SIAE: variants seen among roughly 807,000 people sequenced by gnomAD.
The protein encoded by SIAE is sialate O-acetylesterase.
SIAE carries 39 observed loss-of-function variants against 52.6 expected under a neutral mutation model. The observed-to-expected ratio is 0.74, with a 90% CI of 0.57 to 0.97. The LOEUF is 0.97. Ranked by LOEUF, SIAE falls within the 50% of genes least tolerant of loss-of-function variation. The pLI is 0.00. For missense variants in SIAE, 592 were observed against 662.1 expected, an observed-to-expected ratio of 0.89 and a Z score of 1.16; for synonymous variants, 233 against 241.4, an observed-to-expected ratio of 0.97 and a Z score of 0.32.
chr11:124,637,670 CAAAT>C (rs779600482), intron 9 of SIAE, among the ~76,000 whole-genome samples: 22 of 152,158 alleles, frequency 1.4e-4, no homozygotes, highest in Non-Finnish European at 2.6e-4. Context: ...AATGGGAATA[CAAAT>C]TATCCAGACC....
chr11:124,654,631 CA>C, intron 4 of SIAE, 23 bp downstream of exon 4: 1 of 1,614,042 alleles, frequency 6.2e-7, no homozygotes, highest in Non-Finnish European at 8.5e-7. Context: ...ATATAAGAGA[CA>C]GCACGTTCAA....
At chr11:124,641,290 G>C (rs528234831) in intron 7 of SIAE, among the ~76,000 whole-genome samples, 1 of 152,200 alleles carries the variant, frequency 6.6e-6, no homozygotes, top group Non-Finnish European at 1.5e-5. Flanking sequence ...TCAAAAATAT[G>C]AGAAGTCACT....
intron 2 of SIAE, among the ~76,000 whole-genome samples, chr11:124,664,713 T>C (rs1943247791): frequency 6.6e-6 from 1 of 152,324 alleles, no homozygotes; most frequent in East Asian, 1.9e-4. Flanking sequence ...AGTCATAAAG[T>C]GCTTTCTTGT....
At chr11:124,647,292 G>T in intron 7 of SIAE, 73 bp downstream of exon 7, 1 of 1,594,770 alleles carries the variant, frequency 6.3e-7, no homozygotes, top group Non-Finnish European at 8.6e-7. Context: ...CCACACCAAT[G>T]CCCATAAACC....
chr11:124,673,756 G>C (rs751697699), upstream of SIAE: 6 of 1,596,752 alleles, frequency 3.8e-6, no homozygotes, highest in African/African-American at 8.1e-5. Context: ...GTGGGTTCCC[G>C]GCAGGGGCGG....
At chr11:124,667,806 T>C (rs1943294045) in intron 2 of SIAE, among the ~76,000 whole-genome samples, 1 of 152,156 alleles carries the variant, frequency 6.6e-6, no homozygotes, top group African/African-American at 2.4e-5. Flanking sequence ...GGCTTCTATA[T>C]CTTTATCTCT....
In SIAE at chr11:124,637,141, G is replaced by A. The variant is rs755517213; in HGVS notation, c.1382C>T (p.Thr461Ile). ...ATCGATCGCCAGGGTCAGGGACTGG[G>A]TGGAGACGGTGTTCATAGAAGCTGG... Reference protein sequence around the residue: ...WLPASMNTVSTQSLTLAIDSC... With the variant: ...WLPASMNTVSIQSLTLAIDSC... Residue 461 changes from threonine to isoleucine, a missense_variant, in exon 10 of 10, where the codon ACC (threonine) becomes ATC (isoleucine). Coordinates refer to ENST00000263593, the MANE Select transcript of SIAE (RefSeq NM_170601.5). 6.2e-7 allele frequency: 1 copy of A among 1,614,170 alleles called. No individual in the cohort carries two copies. The highest frequency in any genetic ancestry group is 8.5e-7 in the Non-Finnish European group (1 of 1,180,036).
At chr11:124,637,318 C>G (rs902960855) in intron 9 of SIAE, 116 bp from the exon 10 acceptor site, 2 of 1,436,316 alleles carry the variant, frequency 1.4e-6, no homozygotes, top group African/African-American at 2.8e-5. Flanking sequence ...TCACCAAGGA[C>G]CTACTCCTAC....
At position 124,654,535 on chromosome 11, in the gene SIAE, A is replaced by T. The variant is rs1009277224; in HGVS notation, c.544+120T>A. The T allele has an allele frequency of 1.0e-5, 16 of 1,598,912 alleles. No homozygotes were observed. In the African/African-American group the frequency reaches 1.3e-4, roughly 13 times the overall value. ...CAGGAAGGATGAAGAGTCAATAAGAAAGGAATAAAAGGCATGAGTAATAAT... is the reference window on the plus strand; with the variant it reads ...CAGGAAGGATGAAGAGTCAATAAGATAGGAATAAAAGGCATGAGTAATAAT... On this transcript the variant is annotated intron_variant, in intron 4 of 9. Transcript: ENST00000263593.
At chr11:124,649,862 T>C in intron 4 of SIAE, 66 bp from the exon 5 acceptor site, 1 of 1,543,664 alleles carries the variant, frequency 6.5e-7, no homozygotes, top group Non-Finnish European at 8.9e-7. Flanking sequence ...CTGCAGCTGC[T>C]AGGTGGGTCG....
In SIAE at chr11:124,649,708, G is replaced by A. The variant is rs530808094; in HGVS notation, c.633C>T (p.Ile211=). The change falls in exon 5 of 10, where the codon ATC becomes ATT. Residue 211 remains isoleucine, a synonymous_variant. Transcript: ENST00000263593. ...RHLYDTLQYP[I]GLIASSWGGT... is the part of the protein sequence containing the mutation. ...CGCCCCAGCTGGAGGCGATCAGCCCGATGGGATACTGCAGAGTGTCATAAA... is the reference window on the plus strand; with the variant it reads ...CGCCCCAGCTGGAGGCGATCAGCCCAATGGGATACTGCAGAGTGTCATAAA... 1.4e-3 allele frequency: 2,286 copies of A among 1,614,160 alleles called. 37 individuals are homozygous for A. In the South Asian group the frequency reaches 0.023, roughly 16 times the overall value.
rs1317401954 is a variant in SIAE, at chr11:124,647,515, T to C, written c.833-17A>G. ...TGGACTCCCCTAAAAACAGTCCAAATTGTAAAGGGAGTTTGGAGTAGACTG... is the reference window on the plus strand; with the variant it reads ...TGGACTCCCCTAAAAACAGTCCAAACTGTAAAGGGAGTTTGGAGTAGACTG... On this transcript the variant is annotated splice_polypyrimidine_tract_variant and intron_variant, in intron 6 of 9. Coordinates refer to ENST00000263593, the MANE Select transcript of SIAE (RefSeq NM_170601.5). 8 of 1,613,930 alleles carry C rather than the reference T, an allele frequency of 5.0e-6. No individual in the cohort carries two copies. The highest frequency in any genetic ancestry group is 1.1e-5 in the South Asian group (1 of 91,068).
At chr11:124,666,217 C>A (rs1943271910) in intron 2 of SIAE, among the ~76,000 whole-genome samples, 1 of 152,130 alleles carries the variant, frequency 6.6e-6, no homozygotes, top group Non-Finnish European at 1.5e-5. Flanking sequence ...TTCTGGGTAC[C>A]TAGGGGACTA....
intron 5 of SIAE, 47 bp downstream of exon 5, chr11:124,649,572 A>G: frequency 1.9e-6 from 3 of 1,606,380 alleles, no homozygotes; most frequent in Non-Finnish European, 2.6e-6. Flanking sequence ...TCTCTCTTGC[A>G]TAATTCCCTG....
At chr11:124,639,657 A>G (rs1433728022) in intron 8 of SIAE, 53 bp downstream of exon 8, 4 of 1,612,146 alleles carry the variant, frequency 2.5e-6, no homozygotes, top group South Asian at 1.1e-5. Flanking sequence ...CATCAGAGTG[A>G]AAGACTACAA....
rs1397210079 is a variant in SIAE, at chr11:124,658,482, A to G, written c.405+2146T>C. 2.0e-5 allele frequency among the ~76,000 whole-genome samples: 3 copies of G among 152,216 alleles called. No individual in the cohort carries two copies. The East Asian group carries it at 5.8e-4, about 29-fold the overall frequency. Reference sequence around the variant, plus strand: ...AAGTAGGAATGTGGGGAGTTCTGAGATATTGAAAAATGGGTTTCCTGATGG... The same window carrying G: ...AAGTAGGAATGTGGGGAGTTCTGAGGTATTGAAAAATGGGTTTCCTGATGG... On this transcript the variant is annotated intron_variant, in intron 3 of 9. Coordinates refer to ENST00000263593, the MANE Select transcript of SIAE (RefSeq NM_170601.5).
At chr11:124,640,264 G>A (rs2134354260) in intron 7 of SIAE, among the ~76,000 whole-genome samples, 1 of 152,298 alleles carries the variant, frequency 6.6e-6, no homozygotes, top group East Asian at 1.9e-4. Context: ...CAGTTACCCT[G>A]CTGGAGAGAT....
chr11:124,654,165 G>A (rs919625359), intron 4 of SIAE: 2 of 946,500 alleles, frequency 2.1e-6, no homozygotes, highest in Non-Finnish European at 2.5e-6. Flanking sequence ...GCGACAGACT[G>A]AGACTCCGTC....
At chr11:124,649,262 C>T (rs1039897627) in intron 5 of SIAE, among the ~76,000 whole-genome samples, 4 of 150,844 alleles carry the variant, frequency 2.7e-5, no homozygotes, top group Non-Finnish European at 5.9e-5. Flanking sequence ...AGTGTCTTCA[C>T]CCATGGTCTT....
Sources: allele counts gnomAD v4.1 joint callset (sites outside exome capture counted in the v4.1 genomes callset), GRCh38; gene constraint gnomAD v4.1.1; transcripts MANE v1.5; gene names NCBI Gene and HGNC (gene_info 2026-07-23, HGNC 2026-07-21).